The following LRRC7 variants were observed in gnomAD, a reference collection of about 807,000 sequenced individuals.
LRRC7 encodes leucine-rich repeat-containing protein 7.
A neutral mutation model predicts 175.7 loss-of-function variants in LRRC7; 23 were observed. The observed-to-expected ratio is 0.13, with a 90% CI of 0.09 to 0.19. The LOEUF is 0.19. LRRC7 is among the 10% of genes least tolerant of loss of function. The pLI is 1.00. For missense variants in LRRC7, 1,354 were observed against 1,904.7 expected (o/e 0.71, Z 5.38); for synonymous variants, 685 against 680.9 (o/e 1.01, Z -0.09).
At chr1:70,083,238 C>G (rs1454614782) in intron 24 of LRRC7, among the ~76,000 whole-genome samples, 3 of 152,110 alleles carry the variant, frequency 2.0e-5, no homozygotes. Context: ...TTTATAATCA[C>G]TGTTTCCTTT....
At chr1:69,925,345 C>T (rs1557895342) in intron 7 of LRRC7, among the ~76,000 whole-genome samples, 2 of 152,050 alleles carry the variant, frequency 1.3e-5, no homozygotes, top group Admixed American at 6.6e-5. Flanking sequence ...CCTTCTTTTT[C>T]TATTGATTGG....
At chr1:69,809,526 A>G (rs573783440) in intron 4 of LRRC7, among the ~76,000 whole-genome samples, 52 of 152,316 alleles carry the variant, frequency 3.4e-4, no homozygotes, top group Non-Finnish European at 5.1e-4. Flanking sequence ...AAAATCCTCA[A>G]TAAAATACTG....
chr1:69,658,750 TCA>T lies in LRRC7; in HGVS notation c.3-19628_3-19627del, dbSNP rs1570217897. Reference sequence around the variant, plus strand: ...TCAGCAGTAACAAGAATCAGAAGAATCACATCGCAAAGTTTTTAAATACTAGA... The same window carrying T: ...TCAGCAGTAACAAGAATCAGAAGAATCATCGCAAAGTTTTTAAATACTAGA... On this transcript the variant is annotated intron_variant, in intron 1 of 26. Coordinates refer to ENST00000651989, the MANE Select transcript of LRRC7 (RefSeq NM_001370785.2). Among the ~76,000 whole-genome samples, 8 of 152,084 alleles carry T rather than the reference TCA, an allele frequency of 5.3e-5. 1 individual carries two copies.
intron 4 of LRRC7, among the ~76,000 whole-genome samples, chr1:69,796,959 T>G (rs561570052): frequency 1.3e-5 from 2 of 152,326 alleles, no homozygotes; most frequent in East Asian, 3.9e-4. Flanking sequence ...TTTCACTTTT[T>G]AATTTAATTT....
At chr1:70,001,889 C>G (rs1271135128) in intron 11 of LRRC7, among the ~76,000 whole-genome samples, 1 of 151,984 alleles carries the variant, frequency 6.6e-6, no homozygotes, top group Non-Finnish European at 1.5e-5. Flanking sequence ...ACTTAAAGGC[C>G]TCATTAGCAT....
chr1:69,580,741 A>G (rs1366781396), intron 1 of LRRC7, among the ~76,000 whole-genome samples: 1 of 152,198 alleles, frequency 6.6e-6, no homozygotes, highest in Non-Finnish European at 1.5e-5. Context: ...GGTTGAGTAC[A>G]AACCTGGTCT....
intron 1 of LRRC7, among the ~76,000 whole-genome samples, chr1:69,643,092 A>T (rs1654479680): frequency 6.6e-6 from 1 of 152,058 alleles, no homozygotes; most frequent in South Asian, 2.1e-4. Flanking sequence ...CCCAAGAAGC[A>T]GGGGCTCCTG....
chr1:69,972,011 G>A (rs1854223), intron 8 of LRRC7, among the ~76,000 whole-genome samples: 104,525 of 152,048 alleles, frequency 0.69, 36,964 homozygotes, highest in African/African-American at 0.87. Context: ...AAACAAAAAG[G>A]TAAAGTGGAG....
At chr1:69,662,159 A>G (rs1180139057) in intron 1 of LRRC7, among the ~76,000 whole-genome samples, 1 of 152,160 alleles carries the variant, frequency 6.6e-6, no homozygotes, top group Non-Finnish European at 1.5e-5. Context: ...CACAGGTCTT[A>G]TCCTCATCTT....
At chr1:70,009,355 CT>C (rs11286744) in intron 11 of LRRC7, among the ~76,000 whole-genome samples, 18,791 of 132,408 alleles carry the variant, frequency 0.14, 944 homozygotes, top group African/African-American at 0.2. Flanking sequence ...TTCTTTCTTT[CT>C]TTTTTTTTTT....
chr1:69,773,526 A>T (rs2100992948), intron 3 of LRRC7, among the ~76,000 whole-genome samples: 1 of 152,292 alleles, frequency 6.6e-6, no homozygotes, highest in East Asian at 1.9e-4. Context: ...TTATAAAAGG[A>T]ATTAAGGGCC....
At chr1:70,091,128 A>T (rs1663999704) in intron 25 of LRRC7, among the ~76,000 whole-genome samples, 1 of 152,182 alleles carries the variant, frequency 6.6e-6, no homozygotes, top group Non-Finnish European at 1.5e-5. Context: ...TCCTATAATT[A>T]GGGGAATGCC....
chr1:69,785,622 T>C lies in LRRC7; in HGVS notation c.304-6421T>C, dbSNP rs149074263. On this transcript the variant is annotated intron_variant, in intron 3 of 26. Coordinates refer to ENST00000651989, the MANE Select transcript of LRRC7 (RefSeq NM_001370785.2). Reference sequence around the variant, plus strand: ...ACTTCTTTATCTCATTCCATTTATTTTGTCTCTATCAACTAGAAATCATAC... The same window carrying C: ...ACTTCTTTATCTCATTCCATTTATTCTGTCTCTATCAACTAGAAATCATAC... Among the ~76,000 whole-genome samples, 14 of 152,272 alleles carry C rather than the reference T, an allele frequency of 9.2e-5. No individual in the cohort carries two copies. The East Asian group carries it at 2.7e-3, about 29-fold the overall frequency.
At chr1:69,887,834 A>T (rs1472027453) in intron 7 of LRRC7, among the ~76,000 whole-genome samples, 1 of 146,766 alleles carries the variant, frequency 6.8e-6, no homozygotes, top group Non-Finnish European at 1.5e-5. Flanking sequence ...TTTCCTTCTA[A>T]CAGACAGGAC....
intron 3 of LRRC7, among the ~76,000 whole-genome samples, chr1:69,773,580 G>T (rs1180298917): frequency 2.0e-5 from 3 of 152,178 alleles, no homozygotes; most frequent in Admixed American, 2.0e-4. Flanking sequence ...TTCTTTTAAA[G>T]TGGTGGGTAG....
intron 2 of LRRC7, among the ~76,000 whole-genome samples, chr1:69,691,787 G>A (rs1274980424): frequency 8.8e-6 from 1 of 113,354 alleles, no homozygotes. Context: ...AAAAGAGGGA[G>A]ACCCTGTCTC....
intron 2 of LRRC7, among the ~76,000 whole-genome samples, chr1:69,717,820 AAGAAAG>A (rs1285977317): frequency 2.0e-5 from 1 of 50,372 alleles, no homozygotes; most frequent in Non-Finnish European, 3.7e-5. Context: ...GAAAGAAAGA[AAGAAAG>A]AAAGAAAGAA....
intron 10 of LRRC7, 42 bp downstream of exon 10, chr1:69,986,428 T>C (rs751045399): frequency 6.4e-7 from 1 of 1,556,596 alleles, no homozygotes; most frequent in Non-Finnish European, 8.7e-7. Context: ...ATGTCAAATA[T>C]ACCATTTTCT....
intron 23 of LRRC7, 148 bp downstream of exon 23, chr1:70,053,293 T>C: frequency 1.5e-6 from 1 of 676,642 alleles, no homozygotes; most frequent in Non-Finnish European, 2.2e-6. Flanking sequence ...TGGTTGACTG[T>C]AAGTACATTG....
Sources: allele counts gnomAD v4.1 joint callset (sites outside exome capture counted in the v4.1 genomes callset), GRCh38; gene constraint gnomAD v4.1.1; transcripts MANE v1.5; gene names NCBI Gene and HGNC (gene_info 2026-07-23, HGNC 2026-07-21).